VAT1L: variants seen among roughly 807,000 people sequenced by gnomAD.
VAT1L encodes vesicle amine transport 1 like.
Under a neutral mutation model 44.1 loss-of-function variants are expected in VAT1L, and 34 were observed. The observed-to-expected ratio is 0.77, with a 90% confidence interval of 0.59 to 1.03. VAT1L has a LOEUF of 1.03. Among genes scored for constraint, VAT1L ranks in the 50% least tolerant of loss-of-function variants. The pLI is 0.00. For missense variants in VAT1L, 615 were observed against 538.8 expected (o/e 1.14, Z -1.40); for synonymous variants, 253 against 202.2 (o/e 1.25, Z -2.13).
chr16:77,808,757 G>A (rs985811042), intron 1 of VAT1L, among the ~76,000 whole-genome samples: 8 of 151,958 alleles, frequency 5.3e-5, no homozygotes, highest in African/African-American at 1.9e-4. Flanking sequence ...CACCACACCT[G>A]GCTAATTTTT....
intron 1 of VAT1L, among the ~76,000 whole-genome samples, chr16:77,799,061 G>A (rs1212908491): frequency 6.8e-6 from 1 of 147,344 alleles, no homozygotes; most frequent in African/African-American, 2.5e-5. Context: ...GTCATTAGCT[G>A]CAGCTGCCGT....
chr16:77,956,235 A>T (rs7189420), intron 7 of VAT1L, among the ~76,000 whole-genome samples: 13,183 of 152,216 alleles, frequency 0.087, 664 homozygotes, highest in African/African-American at 0.12. Context: ...TAAAAATTTT[A>T]AAAATTTTTA....
At position 77,793,093 on chromosome 16, in the gene VAT1L, A is replaced by G. The variant is rs137892251; in HGVS notation, c.233+4178A>G. Among the ~76,000 whole-genome samples the G allele has an allele frequency of 9.2e-5, 14 of 152,278 alleles. 1 individual carries two copies. Among genetic ancestry groups the G allele is most frequent in the Middle Eastern group, 3.4e-3 (1 of 294 alleles). The stretch of plus-strand genomic sequence containing the variant: ...TTACTTTTGGTTGCCATAGATACTT[A>G]TATAGTTTATTATTCAAACTGGAAC... On this transcript the variant is annotated intron_variant, in intron 1 of 8. Coordinates refer to ENST00000302536, the MANE Select transcript of VAT1L (RefSeq NM_020927.3).
chr16:77,975,182 C>G (rs544400220), intron 8 of VAT1L, among the ~76,000 whole-genome samples: 2 of 125,288 alleles, frequency 1.6e-5, no homozygotes, highest in Non-Finnish European at 1.6e-5. Context: ...CTTTCTCCTA[C>G]TGGAATGACC....
At chr16:77,937,042 G>A (rs1305043702) in intron 7 of VAT1L, among the ~76,000 whole-genome samples, 2 of 152,048 alleles carry the variant, frequency 1.3e-5, no homozygotes, top group African/African-American at 4.8e-5. Flanking sequence ...ATGCCACCAC[G>A]CCCGGCTAAC....
chr16:77,872,124 A>C (rs574661392), intron 4 of VAT1L, among the ~76,000 whole-genome samples: 2 of 152,300 alleles, frequency 1.3e-5, no homozygotes, highest in East Asian at 3.9e-4. Context: ...CAGAGAGGCT[A>C]AGTAACTCAC....
At chr16:77,934,670 G>T (rs1049939632) in intron 7 of VAT1L, among the ~76,000 whole-genome samples, 1 of 152,184 alleles carries the variant, frequency 6.6e-6, no homozygotes, top group Non-Finnish European at 1.5e-5. Flanking sequence ...ACAGTGCCTT[G>T]AATCTTGTTA....
chr16:77,942,277 G>A (rs1345844693), intron 7 of VAT1L, among the ~76,000 whole-genome samples: 2 of 152,218 alleles, frequency 1.3e-5, no homozygotes, highest in East Asian at 1.9e-4. Context: ...CAGATCTCAT[G>A]AGACTTATTC....
intron 1 of VAT1L, among the ~76,000 whole-genome samples, chr16:77,810,237 T>C (rs149872073): frequency 2.2e-3 from 328 of 152,280 alleles, no homozygotes; most frequent in African/African-American, 7.7e-3. Context: ...AGATCAGTGA[T>C]TCTCTAAGTG....
rs781577552 is a variant in VAT1L, at chr16:77,831,147, C to T, written c.579+5686C>T. Among the ~76,000 whole-genome samples, 46 of 152,180 alleles carry T rather than the reference C, an allele frequency of 3.0e-4. 1 individual carries two copies. Among genetic ancestry groups the T allele is most frequent in the Non-Finnish European group, 1.9e-4 (13 of 68,036 alleles). ...AGAAGAAGACAGGCAAACCTGAATCCAGTCTTCAGCTCTGTCATTTAATAG... is the reference window on the plus strand; with the variant it reads ...AGAAGAAGACAGGCAAACCTGAATCTAGTCTTCAGCTCTGTCATTTAATAG... On this transcript the variant is annotated intron_variant, in intron 3 of 8. Coordinates refer to ENST00000302536, the MANE Select transcript of VAT1L (RefSeq NM_020927.3).
At chr16:77,899,400 T>G (rs1005550641) in intron 7 of VAT1L, among the ~76,000 whole-genome samples, 1 of 152,206 alleles carries the variant, frequency 6.6e-6, no homozygotes, top group Non-Finnish European at 1.5e-5. Flanking sequence ...GGTTCATCAG[T>G]TCCTACCTTC....
At chr16:77,970,747 T>C (rs1036500841) in intron 7 of VAT1L, among the ~76,000 whole-genome samples, 2 of 152,208 alleles carry the variant, frequency 1.3e-5, no homozygotes, top group Admixed American at 1.3e-4. Context: ...GAAAAGCAAT[T>C]AGAATACAAA....
chr16:77,922,537 A>C (rs2017623077), intron 7 of VAT1L, among the ~76,000 whole-genome samples: 1 of 152,176 alleles, frequency 6.6e-6, no homozygotes, highest in Non-Finnish European at 1.5e-5. Flanking sequence ...GCGGCTTGTC[A>C]CAGCTGGGCA....
At chr16:77,923,101 C>T (rs1263875043) in intron 7 of VAT1L, among the ~76,000 whole-genome samples, 2 of 152,176 alleles carry the variant, frequency 1.3e-5, no homozygotes, top group Non-Finnish European at 2.9e-5. Context: ...GACCCTGCAA[C>T]CTGTGTGACC....
At chr16:77,869,038 A>G (rs189025972) in intron 4 of VAT1L, among the ~76,000 whole-genome samples, 1 of 152,262 alleles carries the variant, frequency 6.6e-6, no homozygotes, top group East Asian at 1.9e-4. Context: ...GCAGTTAAGC[A>G]CTGTTCAGAA....
chr16:77,884,890 AT>A lies in VAT1L; in HGVS notation c.1077+95del. On this transcript the variant is annotated intron_variant, in intron 7 of 8. Transcript: ENST00000302536. The surrounding 1 kb of genome is among the most constrained non-coding windows in gnomAD (Gnocchi z 4.5). The stretch of plus-strand genomic sequence containing the variant: ...GCCAAATACAATCTTCTACTAAATG[AT>A]TTTTTTCCCAGATGGGTTTGTTTTA... 7.3e-7 allele frequency: 1 copy of A among 1,369,108 alleles called. No individual in the cohort carries two copies. Among genetic ancestry groups the A allele is most frequent in the Non-Finnish European group, 9.6e-7 (1 of 1,044,684 alleles). The allele number at this position is 1,369,108 out of a possible 1,614,324, so 84.8% of individuals were successfully genotyped here. A position where few individuals can be genotyped will look rare whatever the true frequency, so the allele number is the denominator to read the frequency against.
chr16:77,816,055 T>TA (rs1365238820), intron 1 of VAT1L, among the ~76,000 whole-genome samples: 1 of 150,016 alleles, frequency 6.7e-6, no homozygotes, highest in Non-Finnish European at 1.5e-5. Context: ...CCCATGTGAT[T>TA]AGCAAATGGG....
chr16:77,872,191 G>A (rs956120894), intron 4 of VAT1L, among the ~76,000 whole-genome samples: 5 of 152,130 alleles, frequency 3.3e-5, no homozygotes, highest in Non-Finnish European at 4.4e-5. Flanking sequence ...GAAATAAAAT[G>A]TATATTCCTA....
chr16:77,853,671 AG>A (rs1433618836), intron 3 of VAT1L, among the ~76,000 whole-genome samples: 1 of 152,074 alleles, frequency 6.6e-6, no homozygotes, highest in Non-Finnish European at 1.5e-5. Context: ...TGATTCCATA[AG>A]TCTGGGTTGG....
Sources: gnomAD v4.1 joint callset for allele counts (sites outside exome capture counted in the v4.1 genomes callset) on GRCh38, gnomAD v4.1.1 for gene constraint, Gnocchi (gnomAD v3.1) non-coding constraint, MANE v1.5 for transcripts, NCBI Gene and HGNC (gene_info 2026-07-23, HGNC 2026-07-21) for gene names.